The following COG5 variants were observed in gnomAD, a reference collection of about 807,000 sequenced individuals.
COG5 encodes conserved oligomeric Golgi complex subunit 5.
A neutral mutation model predicts 110.4 loss-of-function variants in COG5; 86 were observed. The ratio of observed to expected loss-of-function variants is 0.78; its 90% CI spans 0.65 to 0.93. COG5 has a LOEUF of 0.93. Among genes scored for constraint, COG5 ranks in the 40% least tolerant of loss-of-function variants. The pLI, the probability that COG5 is intolerant of heterozygous loss-of-function variation, is 0.00. For synonymous variants in COG5, 360 were observed against 334.6 expected, an observed-to-expected ratio of 1.08 and a Z score of -0.83; for missense variants, 1,077 against 987.0, an observed-to-expected ratio of 1.09 and a Z score of -1.22.
intron 10 of COG5, among the ~76,000 whole-genome samples, chr7:107,347,543 A>G (rs62482503): frequency 0.21 from 31,603 of 152,152 alleles, 3,601 homozygotes; most frequent in East Asian, 0.33. Context: ...CTCTGTAACA[A>G]TAATACATTA....
At chr7:107,248,646 C>T in intron 16 of COG5, 147 bp from the exon 17 acceptor site, 1 of 659,690 alleles carries the variant, frequency 1.5e-6, no homozygotes, top group Admixed American at 2.7e-5. Context: ...GCTCCTCTCC[C>T]TAACCACTGT....
chr7:107,456,603 A>T (rs1277831032), intron 6 of COG5, among the ~76,000 whole-genome samples: 1 of 152,250 alleles, frequency 6.6e-6, no homozygotes, highest in Non-Finnish European at 1.5e-5. Flanking sequence ...TGGAATTCTC[A>T]GGTCAGAATA....
At chr7:107,318,122 G>T (rs751651659) in intron 11 of COG5, among the ~76,000 whole-genome samples, 4 of 152,010 alleles carry the variant, frequency 2.6e-5, no homozygotes, top group Non-Finnish European at 5.9e-5. Flanking sequence ...CCACCTTCCA[G>T]GTTCAAGTGA....
chr7:107,206,254 AGT>A (rs921609173), intron 21 of COG5, among the ~76,000 whole-genome samples: 4 of 152,114 alleles, frequency 2.6e-5, no homozygotes. Context: ...AGCCAGAAGA[AGT>A]GTAGCTGTTT....
At chr7:107,556,512 G>GA (rs1210937271) in intron 2 of COG5, among the ~76,000 whole-genome samples, 1 of 152,112 alleles carries the variant, frequency 6.6e-6, no homozygotes, top group Non-Finnish European at 1.5e-5. Flanking sequence ...AAAATACCAA[G>GA]CATAAAAGGA....
chr7:107,540,592 TA>T (rs1192159969), intron 5 of COG5, among the ~76,000 whole-genome samples: 1 of 143,048 alleles, frequency 7.0e-6, no homozygotes, highest in Non-Finnish European at 1.5e-5. Context: ...AATAAATAAA[TA>T]AATAAAAATT....
rs1434286933 is a variant in COG5, at chr7:107,415,988, A to ATG, written c.539-3358_539-3357dup. Among the ~76,000 whole-genome samples the ATG allele has an allele frequency of 3.2e-4, 43 of 132,858 alleles. 7 individuals carry two copies. Among genetic ancestry groups the ATG allele is most frequent in the African/African-American group, 1.2e-3 (42 of 35,348 alleles). The allele number at this position is 132,858 out of a possible 152,430, so 87.2% of individuals were successfully genotyped here. A position where few individuals can be genotyped will look rare whatever the true frequency, so the allele number is the denominator to read the frequency against. On this transcript the variant is annotated intron_variant, in intron 6 of 21. Transcript: ENST00000297135. ...TACACACACATACACGTATGTATAT[A>ATG]TGTGTGTATATATACACACACATAC... is the stretch of plus-strand genomic sequence containing the variant.
chr7:107,348,864 CTT>C (rs540887692), intron 10 of COG5, among the ~76,000 whole-genome samples: 2 of 144,648 alleles, frequency 1.4e-5, no homozygotes, highest in African/African-American at 5.1e-5. Flanking sequence ...TAGAATTTTT[CTT>C]TTTTTTTTTT....
At chr7:107,226,507 A>G (rs1436534412) in intron 19 of COG5, among the ~76,000 whole-genome samples, 1 of 152,108 alleles carries the variant, frequency 6.6e-6, no homozygotes, top group Non-Finnish European at 1.5e-5. Context: ...GTACTGATTT[A>G]CTCCTCTCTA....
chr7:107,379,609 A>C (rs1230546728), intron 7 of COG5, among the ~76,000 whole-genome samples: 1 of 151,868 alleles, frequency 6.6e-6, no homozygotes, highest in Non-Finnish European at 1.5e-5. Context: ...AAAAAAAAAA[A>C]AAAAAAGCGG....
intron 10 of COG5, among the ~76,000 whole-genome samples, chr7:107,358,145 T>A (rs1203400285): frequency 6.6e-6 from 1 of 152,204 alleles, no homozygotes; most frequent in African/African-American, 2.4e-5. Flanking sequence ...TTCCTTAGAT[T>A]CTCCTGAGTA....
chr7:107,419,117 C>T (rs967592726), intron 6 of COG5, among the ~76,000 whole-genome samples: 1 of 152,130 alleles, frequency 6.6e-6, no homozygotes, highest in South Asian at 2.1e-4. Flanking sequence ...TTTTCACATA[C>T]AGTTGCAGAG....
chr7:107,298,121 G>T, intron 12 of COG5, 21 bp downstream of exon 12: 3 of 1,335,784 alleles, frequency 2.2e-6, no homozygotes, highest in Non-Finnish European at 3.1e-6. Flanking sequence ...CCAACTAACA[G>T]GTCAAATTAA....
At chr7:107,503,568 C>G (rs900653607) in intron 6 of COG5, among the ~76,000 whole-genome samples, 1 of 152,048 alleles carries the variant, frequency 6.6e-6, no homozygotes, top group Non-Finnish European at 1.5e-5. Flanking sequence ...GGGAATTGCA[C>G]TGAATATGTA....
At position 107,474,874 on chromosome 7, in the gene COG5, T is replaced by A. The variant is rs1442602459; in HGVS notation, c.538+52363A>T. On this transcript the variant is annotated intron_variant, in intron 6 of 21. Transcript: ENST00000297135. This position sits in a 1 kb window ranked among gnomAD's most constrained non-coding sequence, Gnocchi z 5.7. ...CACACAACATGAGGCTACAGACATG[T>A]CACAAAGCAGTGGTGGGAGAAATGT... 1 of 1,613,166 alleles carries A rather than the reference T, an allele frequency of 6.2e-7. No individual in the cohort carries two copies. The highest frequency in any genetic ancestry group is 1.1e-5 in the South Asian group (1 of 91,056).
intron 10 of COG5, among the ~76,000 whole-genome samples, chr7:107,332,338 T>C (rs1279626815): frequency 3.3e-5 from 5 of 151,700 alleles, no homozygotes; most frequent in Admixed American, 1.3e-4. Context: ...TGATTCAGAG[T>C]GGAGAGAGAG....
intron 7 of COG5, among the ~76,000 whole-genome samples, chr7:107,388,488 C>T (rs939779847): frequency 1.3e-5 from 2 of 152,186 alleles, no homozygotes; most frequent in Non-Finnish European, 2.9e-5. Context: ...CTCCCAAGAA[C>T]ATGCCATAGT....
intron 7 of COG5, among the ~76,000 whole-genome samples, chr7:107,374,672 G>C (rs1029753930): frequency 6.6e-6 from 1 of 151,860 alleles, no homozygotes; most frequent in East Asian, 1.9e-4. Context: ...TTATTTTAAC[G>C]TAATGGTGTA....
chr7:107,386,592 G>A (rs1790219927), intron 7 of COG5, among the ~76,000 whole-genome samples: 1 of 152,096 alleles, frequency 6.6e-6, no homozygotes, highest in Admixed American at 6.5e-5. Flanking sequence ...GGTTCATGAT[G>A]GGACAACAGT....
Sources: gnomAD v4.1 joint callset for allele counts (sites outside exome capture counted in the v4.1 genomes callset) on GRCh38, gnomAD v4.1.1 for gene constraint, Gnocchi (gnomAD v3.1) non-coding constraint, MANE v1.5 for transcripts, NCBI Gene and HGNC (gene_info 2026-07-23, HGNC 2026-07-21) for gene names.